The following DENND1A variants were observed in gnomAD, a reference collection of about 807,000 sequenced individuals.
The protein encoded by DENND1A is DENN domain containing 1A.
Under a neutral mutation model 113.7 loss-of-function variants are expected in DENND1A, and 51 were observed. The observed-to-expected ratio is 0.45, with a 90% CI of 0.36 to 0.57. DENND1A has a LOEUF of 0.57. Among genes scored for constraint, DENND1A ranks in the 20% least tolerant of loss-of-function variants. The pLI, the probability that DENND1A is intolerant of heterozygous loss-of-function variation, is 0.00. For missense variants in DENND1A, 1,258 were observed against 1,395.9 expected, an observed-to-expected ratio of 0.90 and a Z score of 1.57; for synonymous variants, 565 against 570.8, an observed-to-expected ratio of 0.99 and a Z score of 0.14.
At chr9:123,803,267 C>A (rs1348680479) in intron 2 of DENND1A, among the ~76,000 whole-genome samples, 1 of 152,196 alleles carries the variant, frequency 6.6e-6, no homozygotes, top group East Asian at 1.9e-4. Flanking sequence ...GACAAAAACA[C>A]ACAGCTATGC....
At chr9:123,907,338 A>T (rs1853048728) in intron 1 of DENND1A, among the ~76,000 whole-genome samples, 1 of 151,320 alleles carries the variant, frequency 6.6e-6, no homozygotes, top group South Asian at 2.1e-4. Flanking sequence ...TATTCAACAT[A>T]GTGTTGGAAG....
chr9:123,749,740 G>C (rs1488365734), intron 5 of DENND1A, among the ~76,000 whole-genome samples: 1 of 152,128 alleles, frequency 6.6e-6, no homozygotes, highest in African/African-American at 2.4e-5. Flanking sequence ...GATGATTGAA[G>C]AATGCGGGGG....
At chr9:123,860,339 G>A (rs1442587885) in intron 2 of DENND1A, among the ~76,000 whole-genome samples, 2 of 152,016 alleles carry the variant, frequency 1.3e-5, no homozygotes, top group Non-Finnish European at 2.9e-5. Context: ...TATTCTACAG[G>A]GAGCCTACTC....
chr9:123,770,679 C>T (rs939287801), intron 3 of DENND1A, among the ~76,000 whole-genome samples: 2 of 152,070 alleles, frequency 1.3e-5, no homozygotes, highest in African/African-American at 2.4e-5. Context: ...AACTTCAAGA[C>T]AAAATGAAGA....
intron 2 of DENND1A, chr9:123,798,665 A>G (rs1011728335): frequency 1.3e-5 from 2 of 151,742 alleles, no homozygotes; most frequent in South Asian, 2.1e-4. Flanking sequence ...AAAATCAAAC[A>G]TAAGTGAAAT....
chr9:123,420,388 C>T (rs753812584), intron 19 of DENND1A, among the ~76,000 whole-genome samples: 1 of 152,154 alleles, frequency 6.6e-6, no homozygotes, highest in Non-Finnish European at 1.5e-5. Context: ...TCTGGGTGCC[C>T]CACAACTTGC....
At chr9:123,403,520 G>A in intron 20 of DENND1A, 30 bp from the exon 21 acceptor site, 4 of 1,600,170 alleles carry the variant, frequency 2.5e-6, no homozygotes, top group Non-Finnish European at 2.6e-6. Context: ...AGAGCCCCAA[G>A]AAGGAGTGAG....
chr9:123,595,984 C>G (rs12684299), intron 11 of DENND1A, among the ~76,000 whole-genome samples: 3,495 of 152,286 alleles, frequency 0.023, 102 homozygotes, highest in African/African-American at 0.073. Flanking sequence ...AAGCAGGCTT[C>G]CCACTGCTGC....
intron 3 of DENND1A, among the ~76,000 whole-genome samples, chr9:123,781,732 C>A (rs916593946): frequency 6.6e-6 from 1 of 152,048 alleles, no homozygotes; most frequent in African/African-American, 2.4e-5. Context: ...TCTCATATAA[C>A]ATGGGGATAT....
chr9:123,623,964 ACTC>A (rs1024426408), intron 10 of DENND1A, among the ~76,000 whole-genome samples: 8 of 151,734 alleles, frequency 5.3e-5, no homozygotes, highest in Admixed American at 1.3e-4. Context: ...TGTCCTGAAA[ACTC>A]CTAGCAGCAT....
intron 9 of DENND1A, among the ~76,000 whole-genome samples, chr9:123,640,868 C>A (rs560487111): frequency 5.9e-5 from 9 of 152,322 alleles, no homozygotes; most frequent in African/African-American, 2.2e-4. Context: ...AAGTACAAGG[C>A]GGAGGCAGAA....
At position 123,543,169 on chromosome 9, in the gene DENND1A, G is replaced by T. The variant is rs1207348405; in HGVS notation, c.993+14401C>A. 5.3e-5 allele frequency among the ~76,000 whole-genome samples: 8 copies of T among 152,296 alleles called. No homozygotes were observed. The East Asian group carries it at 1.5e-3, about 29-fold the overall frequency. ...CATGGAACGGGTAAAAATGAACCCA[G>T]CTGGTATCCTAATTCCATGGTCTCA... On this transcript the variant is annotated intron_variant, in intron 13 of 23. Transcript: ENST00000394215.
At chr9:123,789,993 G>C (rs1832764842) in intron 3 of DENND1A, among the ~76,000 whole-genome samples, 1 of 152,016 alleles carries the variant, frequency 6.6e-6, no homozygotes. Flanking sequence ...TTGTGTGTGT[G>C]TGTGTGTGTG....
In DENND1A at chr9:123,905,359, T is replaced by A. The variant is rs28856930; in HGVS notation, c.17+24530A>T. Among the ~76,000 whole-genome samples, 641 of 148,284 alleles carry A rather than the reference T, an allele frequency of 4.3e-3. 6 individuals are homozygous for A. Among genetic ancestry groups the A allele is most frequent in the African/African-American group, 0.016 (605 of 38,948 alleles). ...AGGATCAAATTCACATATAACAATA[T>A]TAACTTTAAATGTAAATGGACTAAA... On this transcript the variant is annotated intron_variant, in intron 1 of 23. Transcript: ENST00000394215.
chr9:123,385,183 A>T (rs1216126653), intron 22 of DENND1A, among the ~76,000 whole-genome samples: 1 of 152,078 alleles, frequency 6.6e-6, no homozygotes, highest in Non-Finnish European at 1.5e-5. Context: ...TTTATTTTTC[A>T]GACGGAGTTT....
chr9:123,443,906 G>T (rs554557365), intron 18 of DENND1A, among the ~76,000 whole-genome samples: 9 of 152,052 alleles, frequency 5.9e-5, no homozygotes, highest in Non-Finnish European at 1.2e-4. Flanking sequence ...GTAGTGAGCC[G>T]TGATCAGGCC....
chr9:123,503,573 A>G (rs925615135), intron 13 of DENND1A, among the ~76,000 whole-genome samples: 1 of 152,198 alleles, frequency 6.6e-6, no homozygotes, highest in Non-Finnish European at 1.5e-5. Context: ...TAAAACTCAC[A>G]TATCAGCATT....
At chr9:123,529,765 T>G (rs1350560510) in intron 13 of DENND1A, among the ~76,000 whole-genome samples, 2 of 152,166 alleles carry the variant, frequency 1.3e-5, no homozygotes, top group African/African-American at 4.8e-5. Flanking sequence ...TCCACCCACA[T>G]GATAGAATAA....
At chr9:123,537,387 T>C (rs1335764673) in intron 13 of DENND1A, among the ~76,000 whole-genome samples, 1 of 151,748 alleles carries the variant, frequency 6.6e-6, no homozygotes, top group Non-Finnish European at 1.5e-5. Context: ...ATCTCAATAA[T>C]ATATTTAAAA....
Sources: gnomAD v4.1 joint callset for allele counts (sites outside exome capture counted in the v4.1 genomes callset) on GRCh38, gnomAD v4.1.1 for gene constraint, MANE v1.5 for transcripts, NCBI Gene and HGNC (gene_info 2026-07-23, HGNC 2026-07-21) for gene names.